SEL1L2: variants seen among roughly 807,000 people sequenced by gnomAD.
The protein encoded by SEL1L2 is SEL1L2 adaptor subunit of SYVN1 ubiquitin ligase, also known as protein sel-1 homolog 2.
SEL1L2 carries 89 observed loss-of-function variants against 98.8 expected under a neutral mutation model. The ratio of observed to expected loss-of-function variants is 0.90; its 90% CI spans 0.76 to 1.07. The LOEUF is 1.07. Among genes scored for constraint, SEL1L2 ranks in the 50% least tolerant of loss-of-function variants. The pLI, the probability that SEL1L2 is intolerant of heterozygous loss-of-function variation, is 0.00. For missense variants in SEL1L2, 788 were observed against 812.0 expected (o/e 0.97, Z 0.36); for synonymous variants, 262 against 278.5 (o/e 0.94, Z 0.59).
rs375857295 is a variant in SEL1L2 at position 13,889,193 on chromosome 20, G to C, written c.550-681C>G. On this transcript the variant is annotated intron_variant, in intron 5 of 19. Coordinates refer to ENST00000284951, the MANE Select transcript of SEL1L2 (RefSeq NM_025229.2). ...AGGCTGGTCTCAGCTGACCAGATGG[G>C]GTTTCATCTAAGGCCAGGCTGACCT... Among the ~76,000 whole-genome samples the C allele has an allele frequency of 5.7e-4, 86 of 151,108 alleles. 1 individual carries two copies. In the South Asian group the frequency reaches 0.017, roughly 30 times the overall value.
At chr20:13,864,600 C>T (rs370299955) in intron 17 of SEL1L2, among the ~76,000 whole-genome samples, 20 of 152,214 alleles carry the variant, frequency 1.3e-4, no homozygotes, top group African/African-American at 3.9e-4. Context: ...TGCCAGCAAG[C>T]GAGACATGGA....
chr20:13,964,447 A>T (rs6110106), intron 1 of SEL1L2, among the ~76,000 whole-genome samples: 43,808 of 111,246 alleles, frequency 0.39, 8,627 homozygotes, highest in South Asian at 0.53. Context: ...CTATCTCTTC[A>T]TTTTTTTTTT....
intron 3 of SEL1L2, among the ~76,000 whole-genome samples, chr20:13,927,411 T>C (rs2048951733): frequency 6.6e-6 from 1 of 152,208 alleles, no homozygotes; most frequent in Admixed American, 6.5e-5. Flanking sequence ...CTACTTGTTA[T>C]ATGTGAGAAA....
At chr20:13,871,544 C>T (rs887768318) in intron 12 of SEL1L2, among the ~76,000 whole-genome samples, 4 of 151,434 alleles carry the variant, frequency 2.6e-5, no homozygotes, top group African/African-American at 9.7e-5. Flanking sequence ...CGGAGTCTCA[C>T]TCTGTTGCCC....
intron 1 of SEL1L2, among the ~76,000 whole-genome samples, chr20:13,974,030 A>G (rs1466475675): frequency 6.6e-6 from 1 of 152,162 alleles, no homozygotes. Flanking sequence ...AAGGTCTCTT[A>G]TTATACTTCT....
intron 4 of SEL1L2, among the ~76,000 whole-genome samples, 178 bp from the exon 5 acceptor site, chr20:13,914,122 C>T (rs1356391104): frequency 1.3e-5 from 2 of 152,068 alleles, no homozygotes; most frequent in African/African-American, 4.8e-5. Context: ...CAGTCTAAGG[C>T]TATAATTTCA....
intron 1 of SEL1L2, among the ~76,000 whole-genome samples, chr20:13,979,382 T>C (rs1195414386): frequency 6.6e-6 from 1 of 152,166 alleles, no homozygotes; most frequent in Non-Finnish European, 1.5e-5. Flanking sequence ...ATTGCATATT[T>C]CGGAAAAGCT....
rs1254157080 is a variant in SEL1L2 at position 13,865,188 on chromosome 20, A to C, written c.1624T>G (p.Trp542Gly). The C allele has an allele frequency of 6.2e-7, 1 of 1,613,110 alleles. No individual in the cohort carries two copies. The highest frequency in any genetic ancestry group is 8.5e-7 in the Non-Finnish European group (1 of 1,179,358). ...ATACCTTGAATGGCAGCTCGATTCC[A>C]TAGGAGAAGCGCCATTGGATACATC... ...EKMYPMALLL[W>G]NRAAIQGNAF... The change falls in exon 17 of 20, where the codon TGG becomes GGG. Residue 542 changes from tryptophan (W) to glycine (G), a missense_variant. By Grantham distance (184) the Trp-to-Gly change is radical. Transcript: ENST00000284951.
At chr20:13,871,450 ATG>A (rs1304363573) in intron 12 of SEL1L2, among the ~76,000 whole-genome samples, 1 of 152,030 alleles carries the variant, frequency 6.6e-6, no homozygotes, top group Non-Finnish European at 1.5e-5. Context: ...TTTTCTTTCC[ATG>A]TCCTATCACG....
At chr20:13,921,732 G>A (rs564927246) in intron 3 of SEL1L2, among the ~76,000 whole-genome samples, 15 of 152,126 alleles carry the variant, frequency 9.9e-5, no homozygotes, top group African/African-American at 3.1e-4. Context: ...TTATGGAACC[G>A]TTTTTCAAAT....
Position 13,940,155 on chromosome 20 carries a change from A to T in SEL1L2, c.115-8384T>A, listed in dbSNP as rs767353183. Among the ~76,000 whole-genome samples the T allele has an allele frequency of 5.9e-5, 9 of 152,254 alleles. No homozygotes were observed. The South Asian group carries it at 1.7e-3, about 28-fold the overall frequency. ...TAAACAAATAAATGAACAAGTTAGT[A>T]TCAGATATCCATACATGCTATGAAG... On this transcript the variant is annotated intron_variant, in intron 2 of 19. Coordinates refer to ENST00000284951, the MANE Select transcript of SEL1L2 (RefSeq NM_025229.2).
At chr20:13,972,845 A>C (rs2051347001) in intron 1 of SEL1L2, among the ~76,000 whole-genome samples, 1 of 152,114 alleles carries the variant, frequency 6.6e-6, no homozygotes, top group South Asian at 2.1e-4. Context: ...AAGTACTCAC[A>C]TTTTACCACT....
rs778461279 is a variant in SEL1L2 at position 13,859,303 on chromosome 20, T to C, written c.1777A>G (p.Asn593Asp). ...CCGTGTTCATACATATAAGCCAGATTGAACATGGCTTGCGCGTTGTGGTAT... is the reference window on the plus strand; with the variant it reads ...CCGTGTTCATACATATAAGCCAGATCGAACATGGCTTGCGCGTTGTGGTAT... ...NKYHNAQAMFNLAYMYEHGLG... is the reference protein window; with the variant it reads ...NKYHNAQAMFDLAYMYEHGLG... The change falls in exon 18 of 20, where the codon AAT becomes GAT. Residue 593 changes from asparagine to aspartate, a missense_variant. Asn to Asp is a conservative substitution (Grantham distance 23). Coordinates refer to ENST00000284951, the MANE Select transcript of SEL1L2 (RefSeq NM_025229.2). 9.3e-6 allele frequency: 15 copies of C among 1,614,190 alleles called. No individual in the cohort carries two copies. The highest frequency in any genetic ancestry group is 1.3e-5 in the Non-Finnish European group (15 of 1,180,024).
At chr20:13,961,630 A>G (rs1158608042) in intron 1 of SEL1L2, among the ~76,000 whole-genome samples, 2 of 152,252 alleles carry the variant, frequency 1.3e-5, no homozygotes, top group Non-Finnish European at 2.9e-5. Context: ...TTCTAGGAAT[A>G]GGAGACAGCA....
chr20:13,986,532 A>G (rs1777946264), intron 1 of SEL1L2, among the ~76,000 whole-genome samples: 1 of 152,152 alleles, frequency 6.6e-6, no homozygotes, highest in African/African-American at 2.4e-5. Context: ...ATGTAGCACA[A>G]TTGTTTTTGA....
chr20:13,913,845 A>AT lies in SEL1L2; in HGVS notation c.485dup (p.Asn162LysfsTer10). The AT allele has an allele frequency of 1.9e-6, 3 of 1,560,212 alleles. No individual in the cohort carries two copies. The highest frequency in any genetic ancestry group is 2.1e-5 in the Admixed American group (1 of 47,442). On this transcript the variant is annotated frameshift_variant, in exon 5 of 20. Transcript: ENST00000284951. LOFTEE classifies it high-confidence loss of function. The stretch of plus-strand genomic sequence containing the variant: ...CATATAATTGGATAGCTGCTGTTAT[A>AT]TTTTGCACGCCAAAATTTCCAAATA...
upstream of SEL1L2, among the ~76,000 whole-genome samples, chr20:13,994,295 CAAAAAAAAAAA>C (rs10557935): frequency 3.1e-4 from 22 of 70,956 alleles, no homozygotes; most frequent in African/African-American, 1.2e-3. Context: ...AACTCTGCCT[CAAAAAAAAAAA>C]AAAAAAAAAA....
At position 13,868,307 on chromosome 20, in the gene SEL1L2, C is replaced by A. The variant is rs1402898061; in HGVS notation, c.1255+1196G>T. ...CACGGTTAAAGAGGCTTCCACTGAT[C>A]TGTGCCTAATCAGGTGCTAATACCA... On this transcript the variant is annotated intron_variant, in intron 14 of 19. Transcript: ENST00000284951. Among the ~76,000 whole-genome samples the A allele has an allele frequency of 5.3e-5, 8 of 152,244 alleles. No individual in the cohort carries two copies. In the East Asian group the frequency reaches 1.5e-3, roughly 29 times the overall value.
chr20:13,914,037 C>A, intron 4 of SEL1L2, 93 bp from the exon 5 acceptor site: 1 of 1,127,786 alleles, frequency 8.9e-7, no homozygotes, highest in Non-Finnish European at 1.2e-6. Flanking sequence ...CTCTAACAAG[C>A]AGGAACCAGT....
Sources: gnomAD v4.1 joint callset for allele counts (sites outside exome capture counted in the v4.1 genomes callset) on GRCh38, gnomAD v4.1.1 for gene constraint, MANE v1.5 for transcripts, NCBI Gene and HGNC (gene_info 2026-07-23, HGNC 2026-07-21) for gene names.